SNX29: variants seen among roughly 807,000 people sequenced by gnomAD.
The protein encoded by SNX29 is sorting nexin-29.
SNX29 carries 78 observed loss-of-function variants against 102.1 expected under a neutral mutation model. The ratio of observed to expected loss-of-function variants is 0.76; its 90% CI spans 0.64 to 0.92. The LOEUF is 0.92. Ranked by LOEUF, SNX29 falls within the 40% of genes least tolerant of loss-of-function variation. SNX29 has a pLI of 0.00. For missense variants in SNX29, 1,280 were observed against 1,061.7 expected, an observed-to-expected ratio of 1.21 and a Z score of -2.86; for synonymous variants, 580 against 414.5, an observed-to-expected ratio of 1.40 and a Z score of -4.85.
intron 16 of SNX29, among the ~76,000 whole-genome samples, chr16:12,378,947 G>A (rs2082977439): frequency 6.6e-6 from 1 of 152,052 alleles, no homozygotes; most frequent in African/African-American, 2.4e-5. Context: ...TTAGTTAATT[G>A]ACCCATCCTG....
intron 1 of SNX29, among the ~76,000 whole-genome samples, chr16:11,990,655 G>A (rs1371837926): frequency 4.6e-5 from 7 of 152,134 alleles, no homozygotes; most frequent in South Asian, 2.1e-4. Flanking sequence ...GCCCGCCAGT[G>A]TAACTGAGAA....
chr16:12,459,496 A>G (rs2086684945), intron 18 of SNX29, among the ~76,000 whole-genome samples: 1 of 152,104 alleles, frequency 6.6e-6, no homozygotes, highest in Non-Finnish European at 1.5e-5. Context: ...GGAGAACTGA[A>G]GAAGAGGAAG....
chr16:12,419,573 C>CCCCA (rs879933721), intron 18 of SNX29, among the ~76,000 whole-genome samples: 9 of 149,250 alleles, frequency 6.0e-5, no homozygotes, highest in African/African-American at 2.2e-4. Flanking sequence ...CCCCCCCCCC[C>CCCCA]ATCTTTCTGT....
intron 20 of SNX29, among the ~76,000 whole-genome samples, chr16:12,563,485 G>A (rs954141212): frequency 2.0e-5 from 3 of 152,194 alleles, no homozygotes; most frequent in Admixed American, 1.3e-4. Context: ...TCAAGGAATA[G>A]GGCTATTAAA....
At chr16:12,309,014 A>G (rs200184419) in intron 15 of SNX29, among the ~76,000 whole-genome samples, 3 of 152,184 alleles carry the variant, frequency 2.0e-5, no homozygotes, top group Non-Finnish European at 4.4e-5. Context: ...AGGAAACCTC[A>G]CTTTGAGAGA....
rs1276609152 is a variant in SNX29, at chr16:12,571,969, G to A, written c.*3340G>A. On this transcript the variant is annotated 3_prime_UTR_variant, in exon 21 of 21. Transcript: ENST00000566228. ...GGAAGAGGCTCTTACAGTCTATGGT[G>A]GTAGCCATCTTCACATCCAGTCACC... 1 of 1,061,650 alleles carries A rather than the reference G, an allele frequency of 9.4e-7. No homozygotes were observed. The highest frequency in any genetic ancestry group is 4.6e-5 in the South Asian group (1 of 21,956). The allele number at this position is 1,061,650 out of a possible 1,614,324, so 65.8% of individuals were successfully genotyped here. A position where few individuals can be genotyped will look rare whatever the true frequency, so the allele number is the denominator to read the frequency against.
At chr16:11,976,926 C>T (rs902363996) in intron 1 of SNX29, 113 bp downstream of exon 1, 18 of 1,246,566 alleles carry the variant, frequency 1.4e-5, no homozygotes, top group Admixed American at 1.3e-4. Flanking sequence ...AGACCCCCTC[C>T]CAGTCGCTCC....
chr16:12,477,226 C>T (rs1229855946), intron 18 of SNX29, among the ~76,000 whole-genome samples: 1 of 152,196 alleles, frequency 6.6e-6, no homozygotes, highest in Non-Finnish European at 1.5e-5. Context: ...TGCCCCCTCC[C>T]TTCTTTCTGA....
intron 14 of SNX29, among the ~76,000 whole-genome samples, chr16:12,251,178 A>AAGT (rs1222682746): frequency 6.6e-6 from 1 of 152,208 alleles, no homozygotes; most frequent in East Asian, 1.9e-4. Context: ...AGTGCTTGTA[A>AAGT]AGTCTGTGCC....
intron 18 of SNX29, among the ~76,000 whole-genome samples, chr16:12,420,189 A>C (rs1391553579): frequency 6.6e-6 from 1 of 152,230 alleles, no homozygotes; most frequent in Non-Finnish European, 1.5e-5. Flanking sequence ...GCATTGACAC[A>C]TGTCACCTGG....
At chr16:12,297,786 C>T (rs1324338059) in intron 15 of SNX29, among the ~76,000 whole-genome samples, 4 of 152,168 alleles carry the variant, frequency 2.6e-5, no homozygotes, top group Admixed American at 1.3e-4. Flanking sequence ...TTGGCTTCCA[C>T]GTCTGGCTCC....
rs11649057 is a variant in SNX29 at position 12,464,413 on chromosome 16, C to T, written c.2038-13306C>T. On this transcript the variant is annotated intron_variant, in intron 18 of 20. Coordinates refer to ENST00000566228, the MANE Select transcript of SNX29 (RefSeq NM_032167.5). ...CGGGTCCACATAGCTCTTGAGGGTA[C>T]TAATTTAATTTCCTTTTTTATTTTA... is the stretch of plus-strand genomic sequence containing the variant. 4.4e-3 allele frequency among the ~76,000 whole-genome samples: 665 copies of T among 152,100 alleles called. 6 individuals are homozygous for T. The highest frequency in any genetic ancestry group is 0.016 in the African/African-American group (653 of 41,468).
At chr16:12,167,367 G>C (rs967550466) in intron 13 of SNX29, among the ~76,000 whole-genome samples, 2 of 152,090 alleles carry the variant, frequency 1.3e-5, no homozygotes, top group Non-Finnish European at 2.9e-5. Context: ...AGACTGTCCA[G>C]GTGTCAGATG....
Position 12,572,759 on chromosome 16 carries a change from G to A in SNX29, c.*4130G>A. On this transcript the variant is annotated 3_prime_UTR_variant, in exon 21 of 21. Transcript: ENST00000566228. ...GGAAGGGCTGGGTTTTCAGCTTCTG[G>A]GACCCGAGGAAGACCCCACCTCACT... 1 of 1,063,952 alleles carries A rather than the reference G, an allele frequency of 9.4e-7. No homozygotes were observed. Among genetic ancestry groups the A allele is most frequent in the Non-Finnish European group, 1.1e-6 (1 of 878,422 alleles). The allele number at this position is 1,063,952 out of a possible 1,614,324, so 65.9% of individuals were successfully genotyped here.
intron 16 of SNX29, among the ~76,000 whole-genome samples, chr16:12,386,436 G>A (rs2083343655): frequency 1.3e-5 from 2 of 152,190 alleles, no homozygotes; most frequent in Admixed American, 1.3e-4. Flanking sequence ...CACTTGCCCT[G>A]CTCACAGAGC....
At chr16:12,200,991 G>C (rs1325026551) in intron 14 of SNX29, among the ~76,000 whole-genome samples, 3 of 152,226 alleles carry the variant, frequency 2.0e-5, no homozygotes, top group East Asian at 3.8e-4. Flanking sequence ...GTGTGATGGA[G>C]ACAGGATTAG....
At chr16:12,199,193 A>G (rs530002669) in intron 13 of SNX29, among the ~76,000 whole-genome samples, 8 of 152,216 alleles carry the variant, frequency 5.3e-5, no homozygotes, top group Non-Finnish European at 1.0e-4. Flanking sequence ...GTCACAGTTG[A>G]TAAAAGTATT....
chr16:12,500,592 CAAAT>C (rs1444988707), intron 19 of SNX29, among the ~76,000 whole-genome samples: 2 of 152,220 alleles, frequency 1.3e-5, no homozygotes, highest in Non-Finnish European at 2.9e-5. Flanking sequence ...TGAACAGTAT[CAAAT>C]AAGACCTCAA....
chr16:12,478,102 C>T (rs1184825209), intron 19 of SNX29, among the ~76,000 whole-genome samples: 1 of 152,152 alleles, frequency 6.6e-6, no homozygotes, highest in East Asian at 1.9e-4. Context: ...AAAACTTTTT[C>T]TTTAAAGGGC....
Sources: allele counts gnomAD v4.1 joint callset (sites outside exome capture counted in the v4.1 genomes callset), GRCh38; gene constraint gnomAD v4.1.1; transcripts MANE v1.5; gene names NCBI Gene and HGNC (gene_info 2026-07-23, HGNC 2026-07-21).